The following RBMS1 variants were observed in gnomAD, a reference collection of about 807,000 sequenced individuals.
RBMS1 encodes RNA-binding motif, single-stranded-interacting protein 1.
A neutral mutation model predicts 62.3 loss-of-function variants in RBMS1; 17 were observed. The observed-to-expected ratio is 0.27, with a 90% CI of 0.19 to 0.41. The LOEUF is 0.41. Among genes scored for constraint, RBMS1 ranks in the 10% least tolerant of loss-of-function variants. RBMS1 has a pLI of 1.00. For synonymous variants in RBMS1, 172 were observed against 170.0 expected, an observed-to-expected ratio of 1.01 and a Z score of -0.09; for missense variants, 334 against 504.5, an observed-to-expected ratio of 0.66 and a Z score of 3.24.
chr2:160,369,527 C>G (rs1420670460), intron 1 of RBMS1, among the ~76,000 whole-genome samples: 1 of 152,214 alleles, frequency 6.6e-6, no homozygotes, highest in Non-Finnish European at 1.5e-5. Flanking sequence ...TAGAACTAGA[C>G]AGGACTGAAT....
chr2:160,373,127 A>AT lies in RBMS1; in HGVS notation c.76-5737dup, dbSNP rs779129902. ...GTGAAACTGACCAATAGAGTATTAAATTTTTTTTTTGGCTGGATTAAGCCT... is the reference window on the plus strand; with the variant it reads ...GTGAAACTGACCAATAGAGTATTAAATTTTTTTTTTTGGCTGGATTAAGCCT... On this transcript the variant is annotated intron_variant, in intron 1 of 13. Transcript: ENST00000348849. Among the ~76,000 whole-genome samples the AT allele has an allele frequency of 3.4e-3, 509 of 150,734 alleles. 2 individuals carry two copies. Among genetic ancestry groups the AT allele is most frequent in the Non-Finnish European group, 3.3e-3 (226 of 67,586 alleles).
At chr2:160,393,712 G>T (rs980595342) in intron 1 of RBMS1, among the ~76,000 whole-genome samples, 1 of 151,550 alleles carries the variant, frequency 6.6e-6, no homozygotes, top group Admixed American at 6.6e-5. Context: ...GGGAGGCGGA[G>T]GCTGTGATGA....
rs578247144 is a variant in RBMS1, at chr2:160,387,595, C to T, written c.76-20204G>A. On this transcript the variant is annotated intron_variant, in intron 1 of 13. Transcript: ENST00000348849. Reference sequence around the variant, plus strand: ...TCTGTGCTGCAAATGACAGTCTTTCCTACTCTGTGTACAGCAGAGAGGGTG... The same window carrying T: ...TCTGTGCTGCAAATGACAGTCTTTCTTACTCTGTGTACAGCAGAGAGGGTG... 3.9e-5 allele frequency among the ~76,000 whole-genome samples: 6 copies of T among 152,194 alleles called. No individual in the cohort carries two copies. The South Asian group carries it at 1.2e-3, about 32-fold the overall frequency.
At chr2:160,331,608 T>C (rs901877053) in intron 2 of RBMS1, among the ~76,000 whole-genome samples, 4 of 152,168 alleles carry the variant, frequency 2.6e-5, no homozygotes, top group Non-Finnish European at 1.5e-5. Context: ...AATAAATAAA[T>C]AAGACAGCCT....
intron 6 of RBMS1, among the ~76,000 whole-genome samples, chr2:160,298,402 T>G (rs1689050878): frequency 6.6e-6 from 1 of 151,994 alleles, no homozygotes; most frequent in African/African-American, 2.4e-5. Flanking sequence ...GGATGAGAGA[T>G]GAATGAGAGT....
At chr2:160,400,913 AT>A (rs1191041818) in intron 1 of RBMS1, among the ~76,000 whole-genome samples, 1 of 152,190 alleles carries the variant, frequency 6.6e-6, no homozygotes, top group African/African-American at 2.4e-5. Context: ...CGTGATTGAA[AT>A]TCTCAAAATG....
At chr2:160,455,683 C>CTTT (rs67701380) in intron 1 of RBMS1, among the ~76,000 whole-genome samples, 14 of 127,198 alleles carry the variant, frequency 1.1e-4, no homozygotes, top group African/African-American at 2.4e-4. Context: ...CATTCCCAAG[C>CTTT]TTTTTTTTTT....
chr2:160,300,129 A>C (rs1017642102), intron 6 of RBMS1, among the ~76,000 whole-genome samples: 8 of 152,168 alleles, frequency 5.3e-5, no homozygotes, highest in African/African-American at 1.7e-4. Context: ...GTGAAAAGAG[A>C]AGGATCCCTT....
At chr2:160,432,805 C>T (rs1682953886) in intron 1 of RBMS1, among the ~76,000 whole-genome samples, 1 of 152,182 alleles carries the variant, frequency 6.6e-6, no homozygotes, top group South Asian at 2.1e-4. Flanking sequence ...TCACTGCCAA[C>T]ACTGCAGGAA....
rs2105244412 is a variant in RBMS1 at position 160,407,370 on chromosome 2, G to C, written c.76-39979C>G. 1.1e-5 allele frequency: 11 copies of C among 985,648 alleles called. No homozygotes were observed. In the South Asian group the frequency reaches 5.2e-4, roughly 46 times the overall value. 61.1% of individuals were successfully genotyped at this position (985,648 alleles called of 1,614,324 possible). The stretch of plus-strand genomic sequence containing the variant: ...TGGGAAACAAGGTCACCGCCCAGCC[G>C]GTCCCTCCGAGGAGGCGCGGAGCCC... On this transcript the variant is annotated intron_variant, in intron 1 of 13. Coordinates refer to ENST00000348849, the MANE Select transcript of RBMS1 (RefSeq NM_016836.4).
intron 4 of RBMS1, among the ~76,000 whole-genome samples, chr2:160,307,361 GAAAAAAA>G (rs762396045): frequency 5.8e-5 from 5 of 85,790 alleles, no homozygotes; most frequent in African/African-American, 4.5e-5. Context: ...CCTATTTATT[GAAAAAAA>G]AAAAAAAAAA....
intron 1 of RBMS1, among the ~76,000 whole-genome samples, chr2:160,467,201 T>G (rs1407763102): frequency 7.5e-6 from 1 of 132,824 alleles, no homozygotes; most frequent in East Asian, 2.1e-4. Context: ...CATATGGGGG[T>G]AAAAAGAAAA....
chr2:160,426,060 G>C (rs1682546429), intron 1 of RBMS1, among the ~76,000 whole-genome samples: 1 of 151,962 alleles, frequency 6.6e-6, no homozygotes, highest in African/African-American at 2.4e-5. Context: ...TTTAAGGCAA[G>C]TTATTAAATT....
At chr2:160,366,784 G>A (rs1046658057) in intron 2 of RBMS1, 10 of 158,200 alleles carry the variant, frequency 6.3e-5, no homozygotes, top group African/African-American at 2.4e-4. Context: ...GGTCCCAGCT[G>A]GAATTAAGAG....
intron 4 of RBMS1, 70 bp downstream of exon 4, chr2:160,313,086 A>C: frequency 6.8e-7 from 1 of 1,463,898 alleles, no homozygotes; most frequent in Non-Finnish European, 9.5e-7. Flanking sequence ...TGCAGATAGA[A>C]AAAGCAGACC....
chr2:160,417,161 A>G (rs1696242363), intron 1 of RBMS1, among the ~76,000 whole-genome samples: 1 of 152,208 alleles, frequency 6.6e-6, no homozygotes, highest in Non-Finnish European at 1.5e-5. Context: ...ACGCATGCAC[A>G]CACACACAGA....
At chr2:160,452,911 A>T (rs530348246) in intron 1 of RBMS1, among the ~76,000 whole-genome samples, 13 of 152,310 alleles carry the variant, frequency 8.5e-5, no homozygotes, top group African/African-American at 3.1e-4. Flanking sequence ...GGGAAGTGAT[A>T]AGTTGTGATA....
intron 1 of RBMS1, among the ~76,000 whole-genome samples, chr2:160,483,999 ATTC>A (rs1394135481): frequency 8.9e-6 from 1 of 112,818 alleles, no homozygotes; most frequent in Non-Finnish European, 1.7e-5. Context: ...CCAGGATAAA[ATTC>A]TTTTTTTTTT....
intron 1 of RBMS1, among the ~76,000 whole-genome samples, chr2:160,403,300 AGACGTTT>A (rs1328513928): frequency 6.6e-6 from 1 of 152,254 alleles, no homozygotes; most frequent in African/African-American, 2.4e-5. Flanking sequence ...TGTAGCTTGA[AGACGTTT>A]ACTTTCTTTA....
Sources: allele counts gnomAD v4.1 joint callset (sites outside exome capture counted in the v4.1 genomes callset), GRCh38; gene constraint gnomAD v4.1.1; transcripts MANE v1.5; gene names NCBI Gene and HGNC (gene_info 2026-07-23, HGNC 2026-07-21).